DLGAP2: variants seen among roughly 807,000 people sequenced by gnomAD.
DLGAP2 encodes the protein disks large-associated protein 2.
Under a neutral mutation model 100.3 loss-of-function variants are expected in DLGAP2, and 26 were observed. That is an observed-to-expected ratio of 0.26 (90% CI 0.19 to 0.36). DLGAP2 has a LOEUF of 0.36. Ranked by LOEUF, DLGAP2 falls within the 10% of genes least tolerant of loss-of-function variation. The probability of loss-of-function intolerance (pLI) is 1.00; values close to 1 mark genes in which losing one functional copy is unlikely to be tolerated. For missense variants in DLGAP2, 1,858 were observed against 1,453.2 expected, an observed-to-expected ratio of 1.28 and a Z score of -4.53; for synonymous variants, 886 against 630.1, an observed-to-expected ratio of 1.41 and a Z score of -6.08.
chr8:744,226 A>G (rs1425989443), intron 1 of DLGAP2, among the ~76,000 whole-genome samples: 2 of 151,704 alleles, frequency 1.3e-5, no homozygotes, highest in Non-Finnish European at 2.9e-5. Flanking sequence ...CTCCACATAT[A>G]CCCCCGACCC....
chr8:1,430,715 A>G (rs1455319849), intron 3 of DLGAP2, among the ~76,000 whole-genome samples: 1 of 152,232 alleles, frequency 6.6e-6, no homozygotes, highest in Non-Finnish European at 1.5e-5. Flanking sequence ...ATTCTTTTCT[A>G]TCACAGTTTT....
chr8:1,267,338 G>A (rs909523061), intron 3 of DLGAP2, among the ~76,000 whole-genome samples: 10 of 151,092 alleles, frequency 6.6e-5, no homozygotes, highest in Non-Finnish European at 1.2e-4. Flanking sequence ...AGGCCGAGGC[G>A]GTGGATCACT....
At chr8:1,256,579 G>GTGTGCTCTCCTGCCTGGGCGCTGTGCA in intron 2 of DLGAP2, among the ~76,000 whole-genome samples, 1 of 150,730 alleles carries the variant, frequency 6.6e-6, no homozygotes, top group South Asian at 2.1e-4. Context: ...GGTGCTGTGC[G>GTGTGCTCTCCTGCCTGGGCGCTGTGCA]TGTGTACTCT....
chr8:1,002,265 C>T (rs1800981745), intron 2 of DLGAP2: 2 of 152,142 alleles, frequency 1.3e-5, no homozygotes, highest in South Asian at 2.1e-4. Context: ...CTTCTTTCAA[C>T]GAACATCTCC....
chr8:1,324,778 A>G (rs1478311484), intron 3 of DLGAP2, among the ~76,000 whole-genome samples: 2 of 152,208 alleles, frequency 1.3e-5, no homozygotes, highest in Non-Finnish European at 2.9e-5. Flanking sequence ...CTTTCTTCCT[A>G]AAATATCAGA....
intron 2 of DLGAP2, among the ~76,000 whole-genome samples, chr8:1,158,450 A>G (rs570547015): frequency 1.3e-5 from 2 of 152,336 alleles, no homozygotes; most frequent in South Asian, 2.1e-4. Flanking sequence ...TTGATTTGCA[A>G]TTAGTGTCAC....
chr8:1,527,600 C>G (rs1247989781), intron 4 of DLGAP2, among the ~76,000 whole-genome samples: 3 of 152,118 alleles, frequency 2.0e-5, no homozygotes, highest in Non-Finnish European at 4.4e-5. Flanking sequence ...TCTATTTTTC[C>G]TAAGGAAAGA....
chr8:745,264 G>A (rs1563407978), intron 1 of DLGAP2, among the ~76,000 whole-genome samples: 1 of 152,018 alleles, frequency 6.6e-6, no homozygotes, highest in Non-Finnish European at 1.5e-5. Flanking sequence ...CTGTTTTCTG[G>A]CTATACTATA....
chr8:1,277,449 G>A (rs1799721332), intron 3 of DLGAP2, among the ~76,000 whole-genome samples: 2 of 152,150 alleles, frequency 1.3e-5, no homozygotes, highest in East Asian at 3.8e-4. Context: ...CATCTGACCT[G>A]TGATAGATGT....
chr8:1,315,303 C>T (rs1015930707), intron 3 of DLGAP2, among the ~76,000 whole-genome samples: 7 of 148,116 alleles, frequency 4.7e-5, no homozygotes, highest in Admixed American at 1.3e-4. Context: ...GCGAGTGCAG[C>T]GTCTCTCCAA....
At chr8:1,268,486 C>T (rs775993890) in intron 3 of DLGAP2, among the ~76,000 whole-genome samples, 7 of 152,156 alleles carry the variant, frequency 4.6e-5, no homozygotes, top group Non-Finnish European at 1.0e-4. Context: ...AGCTGTCTTC[C>T]GCGTTAGAGT....
intron 1 of DLGAP2, chr8:753,575 T>C (rs1159666912): frequency 6.6e-6 from 1 of 152,186 alleles, no homozygotes; most frequent in African/African-American, 2.4e-5. Flanking sequence ...GAGGCACAGA[T>C]GCCTGGGGGA....
At chr8:1,369,739 A>G (rs1802192143) in intron 3 of DLGAP2, 1 of 152,314 alleles carries the variant, frequency 6.6e-6, no homozygotes, top group African/African-American at 2.4e-5. Context: ...CAAGTCCTGC[A>G]GCCTCTGAAC....
intron 2 of DLGAP2, among the ~76,000 whole-genome samples, chr8:1,126,007 G>A (rs946965510): frequency 3.9e-4 from 59 of 152,334 alleles, no homozygotes; most frequent in Non-Finnish European, 2.6e-4. Flanking sequence ...TCCGGCTCTG[G>A]AAGTTGATAA....
rs1447980218 is a variant in DLGAP2 at position 1,244,982 on chromosome 8, G to T, written c.74-13869G>T. ...ATGAACAGGCAATTCACCCACAGAA[G>T]GTGTGGAAAGACACTGGACATCTTT... On this transcript the variant is annotated intron_variant, in intron 2 of 14. Coordinates refer to ENST00000637795, the MANE Select transcript of DLGAP2 (RefSeq NM_001346810.2). 2.0e-5 allele frequency among the ~76,000 whole-genome samples: 3 copies of T among 152,182 alleles called. No individual in the cohort carries two copies. The East Asian group carries it at 5.8e-4, about 29-fold the overall frequency.
chr8:1,421,074 A>G (rs1001439652), intron 3 of DLGAP2, among the ~76,000 whole-genome samples: 1 of 152,174 alleles, frequency 6.6e-6, no homozygotes, highest in Non-Finnish European at 1.5e-5. Context: ...GAAAATTTCA[A>G]TCTCTCCAAC....
intron 2 of DLGAP2, among the ~76,000 whole-genome samples, chr8:1,247,256 G>C (rs796129840): frequency 3.5e-5 from 4 of 114,554 alleles, no homozygotes; most frequent in Admixed American, 8.6e-5. Flanking sequence ...AGACCTTTGA[G>C]ATCAGTGTGG....
chr8:1,493,631 G>T (rs1799457272), intron 3 of DLGAP2, among the ~76,000 whole-genome samples: 1 of 152,158 alleles, frequency 6.6e-6, no homozygotes, highest in Non-Finnish European at 1.5e-5. Flanking sequence ...TAATCCTCCT[G>T]TAAGCAAAGG....
At chr8:1,621,704 G>T (rs1797342676) in intron 6 of DLGAP2, 1 of 152,454 alleles carries the variant, frequency 6.6e-6, no homozygotes. Flanking sequence ...CCAAGCAAGG[G>T]TATGGCATTT....
Sources: gnomAD v4.1 joint callset for allele counts (sites outside exome capture counted in the v4.1 genomes callset) on GRCh38, gnomAD v4.1.1 for gene constraint, MANE v1.5 for transcripts, NCBI Gene and HGNC (gene_info 2026-07-23, HGNC 2026-07-21) for gene names.